Variants in FANCC observed in about 807,000 individuals in gnomAD.
The protein encoded by FANCC is Fanconi anemia group C protein.
In FANCC, 55 loss-of-function variants were observed where a neutral mutation model predicts 71.3. The observed-to-expected ratio is 0.77, with a 90% CI of 0.62 to 0.97. The LOEUF is 0.97. Among genes scored for constraint, FANCC ranks in the 50% least tolerant of loss-of-function variants. The pLI is 0.00. For synonymous variants in FANCC, 275 were observed against 244.9 expected (o/e 1.12, Z -1.15); for missense variants, 678 against 670.9 (o/e 1.01, Z -0.12).
intron 7 of FANCC, among the ~76,000 whole-genome samples, chr9:95,143,901 A>G (rs978526765): frequency 1.3e-5 from 2 of 152,236 alleles, no homozygotes; most frequent in African/African-American, 2.4e-5. Context: ...CCTCTAGGTT[A>G]TCTAAACCAT....
intron 4 of FANCC, among the ~76,000 whole-genome samples, chr9:95,174,090 T>A (rs1190660774): frequency 6.6e-6 from 1 of 152,144 alleles, no homozygotes; most frequent in Non-Finnish European, 1.5e-5. Flanking sequence ...GCAAAGTACC[T>A]CAGACTGGGT....
At chr9:95,129,352 C>T (rs996600382) in intron 8 of FANCC, among the ~76,000 whole-genome samples, 32 of 152,180 alleles carry the variant, frequency 2.1e-4, no homozygotes, top group Non-Finnish European at 4.0e-4. Context: ...TCTTAAGCTG[C>T]TTTTCTTATC....
intron 4 of FANCC, among the ~76,000 whole-genome samples, chr9:95,208,950 G>A (rs1025356325): frequency 2.6e-5 from 4 of 152,136 alleles, no homozygotes; most frequent in African/African-American, 9.7e-5. Flanking sequence ...GATGTTTTTA[G>A]CATCTGTGTT....
chr9:95,141,985 G>GTTTTTTTTTTTT (rs1163083695), intron 7 of FANCC, among the ~76,000 whole-genome samples: 1 of 83,138 alleles, frequency 1.2e-5, no homozygotes, highest in Non-Finnish European at 2.1e-5. Flanking sequence ...AGTTTGTGGG[G>GTTTTTTTTTTTT]TTTTTTTTTT....
intron 6 of FANCC, among the ~76,000 whole-genome samples, chr9:95,163,446 ATTCTTT>A (rs1186012751): frequency 2.3e-4 from 35 of 152,344 alleles, no homozygotes; most frequent in Non-Finnish European, 4.7e-4. Flanking sequence ...ACATTAAAGG[ATTCTTT>A]TTCTATTTCT....
At chr9:95,160,908 T>A (rs1830711284) in intron 6 of FANCC, among the ~76,000 whole-genome samples, 1 of 152,228 alleles carries the variant, frequency 6.6e-6, no homozygotes, top group Admixed American at 6.5e-5. Flanking sequence ...AAGTTGCTTA[T>A]CAGCTTAAAG....
intron 8 of FANCC, among the ~76,000 whole-genome samples, chr9:95,134,303 T>C (rs749468686): frequency 6.6e-6 from 1 of 152,262 alleles, no homozygotes; most frequent in Non-Finnish European, 1.5e-5. Context: ...ACTAAACAAG[T>C]TGAAGGCCTC....
At chr9:95,247,042 C>T (rs1445273364) in intron 3 of FANCC, among the ~76,000 whole-genome samples, 3 of 150,218 alleles carry the variant, frequency 2.0e-5, no homozygotes, top group African/African-American at 7.4e-5. Context: ...GTTATGAAAC[C>T]GTGAAACAAA....
intron 4 of FANCC, among the ~76,000 whole-genome samples, chr9:95,239,207 T>A (rs1162460001): frequency 6.6e-6 from 1 of 152,160 alleles, no homozygotes; most frequent in Non-Finnish European, 1.5e-5. Context: ...TACGTCAGCG[T>A]CACACCTAAA....
At chr9:95,131,967 GTTC>G (rs1470609092) in intron 8 of FANCC, among the ~76,000 whole-genome samples, 3 of 152,170 alleles carry the variant, frequency 2.0e-5, no homozygotes, top group Admixed American at 6.5e-5. Flanking sequence ...TTATTCTTAA[GTTC>G]TTATTAGATA....
intron 14 of FANCC, among the ~76,000 whole-genome samples, chr9:95,105,531 C>T (rs542464231): frequency 1.3e-5 from 2 of 152,268 alleles, no homozygotes; most frequent in East Asian, 1.9e-4. Flanking sequence ...GTAAAATATA[C>T]ATAAAATGTG....
intron 13 of FANCC, chr9:95,111,090 T>G (rs1337940627): frequency 6.6e-7 from 1 of 1,516,804 alleles, no homozygotes; most frequent in Non-Finnish European, 8.8e-7. Context: ...GCCCTGGCTG[T>G]GGCCAGGCTC....
At chr9:95,294,236 G>C in intron 1 of FANCC, 1 of 1,585,128 alleles carries the variant, frequency 6.3e-7, no homozygotes, top group Non-Finnish European at 8.7e-7. Context: ...CAGAACCCTG[G>C]AATCAATTTT....
intron 6 of FANCC, among the ~76,000 whole-genome samples, chr9:95,159,353 G>A (rs939721994): frequency 6.6e-6 from 1 of 152,174 alleles, no homozygotes; most frequent in Non-Finnish European, 1.5e-5. Context: ...CCATGCAAAG[G>A]ACATGAACTC....
Position 95,135,482 on chromosome 9 carries a change from A to G in FANCC, c.707T>C (p.Met236Thr). The G allele has an allele frequency of 1.2e-6, 2 of 1,614,088 alleles. No homozygotes were observed. Among genetic ancestry groups the G allele is most frequent in the Non-Finnish European group, 8.5e-7 (1 of 1,180,026 alleles). ...AILLKKISLP[M>T]SAVVCLWLRH... ...AAGCCAGAGGCAGACTACAGCTGAC[A>G]TGGGGAGAGAAATCTTCTTCCTTTC... is the stretch of plus-strand genomic sequence containing the variant. The change falls in exon 8 of 15, where the codon ATG becomes ACG. Residue 236 changes from methionine to threonine, a missense_variant. Met to Thr is a moderately conservative substitution (Grantham distance 81). Transcript: ENST00000289081.
At chr9:95,136,235 A>AC (rs1827676080) in intron 7 of FANCC, among the ~76,000 whole-genome samples, 1 of 150,936 alleles carries the variant, frequency 6.6e-6, no homozygotes, top group Non-Finnish European at 1.5e-5. Flanking sequence ...ACAAAAAAAA[A>AC]TTTTTTTTTT....
At chr9:95,301,859 C>T (rs1390639404) in intron 1 of FANCC, among the ~76,000 whole-genome samples, 1 of 150,068 alleles carries the variant, frequency 6.7e-6, no homozygotes, top group Non-Finnish European at 1.5e-5. Flanking sequence ...AGGTGAATCA[C>T]GAGGTCAGGA....
chr9:95,267,854 G>C (rs1832476412), intron 1 of FANCC, among the ~76,000 whole-genome samples: 1 of 152,110 alleles, frequency 6.6e-6, no homozygotes, highest in Non-Finnish European at 1.5e-5. Flanking sequence ...TGTAAATCAG[G>C]ACTACGGTCA....
At chr9:95,146,798 G>T (rs1564693864) in intron 7 of FANCC, among the ~76,000 whole-genome samples, 1 of 151,804 alleles carries the variant, frequency 6.6e-6, no homozygotes, top group Non-Finnish European at 1.5e-5. Context: ...TTCAAAGTGG[G>T]GTTCAAAGAA....
Sources: allele counts gnomAD v4.1 joint callset (sites outside exome capture counted in the v4.1 genomes callset), GRCh38; gene constraint gnomAD v4.1.1; transcripts MANE v1.5; gene names NCBI Gene and HGNC (gene_info 2026-07-23, HGNC 2026-07-21).